Variants in AIG1 observed in about 807,000 individuals in gnomAD.
The protein encoded by AIG1 is androgen induced 1.
In AIG1, 23 loss-of-function variants were observed where a neutral mutation model predicts 31.4. That is an observed-to-expected ratio of 0.73 (90% CI 0.53 to 1.04). The LOEUF (loss-of-function observed/expected upper bound fraction) is 1.04. Ranked by LOEUF, AIG1 falls within the 50% of genes least tolerant of loss-of-function variation. The pLI is 0.00. For synonymous variants in AIG1, 100 were observed against 110.5 expected (o/e 0.90, Z 0.60); for missense variants, 274 against 295.0 (o/e 0.93, Z 0.52).
At chr6:143,164,143 C>A (rs1786690381) in intron 2 of AIG1, among the ~76,000 whole-genome samples, 2 of 152,068 alleles carry the variant, frequency 1.3e-5, no homozygotes, top group South Asian at 4.1e-4. Flanking sequence ...AAAATTGTTT[C>A]TAATATTTAT....
chr6:143,273,655 G>C (rs549432163), intron 3 of AIG1, among the ~76,000 whole-genome samples: 2 of 152,306 alleles, frequency 1.3e-5, no homozygotes, highest in African/African-American at 4.8e-5. Flanking sequence ...AATCATGGTG[G>C]AAGGCGAAAG....
intron 1 of AIG1, among the ~76,000 whole-genome samples, chr6:143,107,887 G>GA (rs961655231): frequency 6.6e-5 from 10 of 151,938 alleles, no homozygotes; most frequent in African/African-American, 1.9e-4. Flanking sequence ...CTAACAGAGG[G>GA]AAAAAAAGAA....
rs113851025 is a variant in AIG1, at chr6:143,144,454, A to C, written c.297+7464A>C. ...CATGAGTATAATAATACATGTGTTT[A>C]AGGTGCAGAGAAGTATCCCCAAAGA... On this transcript the variant is annotated intron_variant, in intron 2 of 5. Coordinates refer to ENST00000357847, the MANE Select transcript of AIG1 (RefSeq NM_016108.4). 3.1e-3 allele frequency among the ~76,000 whole-genome samples: 466 copies of C among 152,330 alleles called. 5 individuals are homozygous for C. The highest frequency in any genetic ancestry group is 0.011 in the African/African-American group (447 of 41,570).
intron 3 of AIG1, among the ~76,000 whole-genome samples, chr6:143,187,076 T>G (rs1210106364): frequency 1.3e-5 from 2 of 152,248 alleles, no homozygotes; most frequent in Admixed American, 1.3e-4. Context: ...AATCTCAATC[T>G]AAATTTTCAA....
intron 3 of AIG1, among the ~76,000 whole-genome samples, chr6:143,224,008 C>A (rs970979798): frequency 1.3e-5 from 2 of 152,124 alleles, no homozygotes; most frequent in Non-Finnish European, 2.9e-5. Context: ...CGAACGTCTC[C>A]TGCCTGCCCT....
rs1776855664 is a variant in AIG1 at position 143,329,065 on chromosome 6, G to T, written c.516-4217G>T. On this transcript the variant is annotated intron_variant, in intron 4 of 5. Coordinates refer to ENST00000357847, the MANE Select transcript of AIG1 (RefSeq NM_016108.4). This position sits in a 1 kb window ranked among gnomAD's most constrained non-coding sequence, Gnocchi z 4.9. The stretch of plus-strand genomic sequence containing the variant: ...GAAACAAATGGTGAAAGCACAACTT[G>T]TTAAGACAAGTGGATGCATCATTCA... 6.6e-6 allele frequency among the ~76,000 whole-genome samples: 1 copy of T among 152,184 alleles called. No homozygotes were observed. The highest frequency in any genetic ancestry group is 1.5e-5 in the Non-Finnish European group (1 of 68,032).
At chr6:143,214,785 T>G (rs1400650338) in intron 3 of AIG1, among the ~76,000 whole-genome samples, 1 of 152,136 alleles carries the variant, frequency 6.6e-6, no homozygotes, top group Non-Finnish European at 1.5e-5. Flanking sequence ...CACCAGCCTC[T>G]CCATGCCTGT....
At position 143,339,796 on chromosome 6, in the gene AIG1, C is replaced by T. The variant is rs1394091636; in HGVS notation, c.*120C>T. 2.2e-6 allele frequency: 2 copies of T among 904,912 alleles called. No individual in the cohort carries two copies. Among genetic ancestry groups the T allele is most frequent in the Non-Finnish European group, 3.4e-6 (2 of 590,150 alleles). The allele number at this position is 904,912 out of a possible 1,614,324, so 56.1% of individuals were successfully genotyped here. A position where few individuals can be genotyped will look rare whatever the true frequency, so the allele number is the denominator to read the frequency against. On this transcript the variant is annotated 3_prime_UTR_variant, in exon 6 of 6. Transcript: ENST00000357847. ...CTTGGTGGCATCAGCACCCCCCTCC[C>T]CCAATGAGGACACCTTTTATATATA...
intron 3 of AIG1, among the ~76,000 whole-genome samples, chr6:143,193,707 T>C (rs1410352349): frequency 6.6e-6 from 1 of 152,228 alleles, no homozygotes; most frequent in African/African-American, 2.4e-5. Flanking sequence ...GTCTCTTGTA[T>C]TTTCTTCTGT....
chr6:143,144,603 G>T (rs537085471), intron 2 of AIG1, among the ~76,000 whole-genome samples: 1 of 152,138 alleles, frequency 6.6e-6, no homozygotes, highest in East Asian at 1.9e-4. Context: ...GTATTCAGTT[G>T]CAAGTAAGAG....
rs1447144105 is a variant in AIG1 at position 143,334,339 on chromosome 6, T to G, written c.679+894T>G. Among the ~76,000 whole-genome samples, 1 of 152,202 alleles carries G rather than the reference T, an allele frequency of 6.6e-6. No homozygotes were observed. The highest frequency in any genetic ancestry group is 1.5e-5 in the Non-Finnish European group (1 of 68,032). On this transcript the variant is annotated intron_variant, in intron 5 of 5. Coordinates refer to ENST00000357847, the MANE Select transcript of AIG1 (RefSeq NM_016108.4). This position sits in a 1 kb window ranked among gnomAD's most constrained non-coding sequence, Gnocchi z 5.1. ...TGACACAGACATTGAGCACCCTGCT[T>G]TGTGCCAGACACCCTGCCAGGAGCT...
intron 2 of AIG1, among the ~76,000 whole-genome samples, chr6:143,141,107 T>TA (rs1212046312): frequency 3.9e-5 from 6 of 152,186 alleles, no homozygotes; most frequent in Non-Finnish European, 5.9e-5. Context: ...GCATCGGGCA[T>TA]AAAAAGAAAG....
chr6:143,337,495 G>A (rs548605770), intron 5 of AIG1, among the ~76,000 whole-genome samples: 1 of 149,700 alleles, frequency 6.7e-6, no homozygotes, highest in African/African-American at 2.4e-5. Context: ...GGTGGAGCGC[G>A]GGGGGGGACA....
In AIG1 at chr6:143,171,335, T is replaced by C. The variant is rs545143249; in HGVS notation, c.399+6152T>C. ...AGTTACTTCACTTAGAATGATGGTT[T>C]CCAATTCCATCCAGGTTGCTGCAAA... On this transcript the variant is annotated intron_variant, in intron 3 of 5. Coordinates refer to ENST00000357847, the MANE Select transcript of AIG1 (RefSeq NM_016108.4). 2.0e-5 allele frequency among the ~76,000 whole-genome samples: 3 copies of C among 148,042 alleles called. No individual in the cohort carries two copies. In the East Asian group the frequency reaches 5.9e-4, roughly 29 times the overall value.
At chr6:143,139,428 CA>C (rs1320459920) in intron 2 of AIG1, among the ~76,000 whole-genome samples, 1 of 151,940 alleles carries the variant, frequency 6.6e-6, no homozygotes, top group Non-Finnish European at 1.5e-5. Context: ...TCACCCAGCA[CA>C]TGGAGGGGAT....
At chr6:143,159,511 T>A (rs1372807299) in intron 2 of AIG1, among the ~76,000 whole-genome samples, 1 of 152,192 alleles carries the variant, frequency 6.6e-6, no homozygotes, top group Non-Finnish European at 1.5e-5. Flanking sequence ...TTAAGATAAT[T>A]TGGGCAGAAT....
intron 3 of AIG1, among the ~76,000 whole-genome samples, chr6:143,266,185 T>TA (rs879371747): frequency 5.3e-5 from 8 of 151,620 alleles, no homozygotes; most frequent in Non-Finnish European, 7.4e-5. Context: ...CCATCTCTAC[T>TA]AAAATACAAA....
chr6:143,173,291 G>T (rs1222414465), intron 3 of AIG1, among the ~76,000 whole-genome samples: 1 of 152,202 alleles, frequency 6.6e-6, no homozygotes, highest in Non-Finnish European at 1.5e-5. Flanking sequence ...TTGAACTCCT[G>T]ACCTCAAGTG....
At chr6:143,237,876 G>T (rs193030795) in intron 3 of AIG1, among the ~76,000 whole-genome samples, 17 of 152,308 alleles carry the variant, frequency 1.1e-4, no homozygotes, top group Non-Finnish European at 2.2e-4. Flanking sequence ...AAGTCAAAGG[G>T]TAAGTGTTTC....
Sources: allele counts gnomAD v4.1 joint callset (sites outside exome capture counted in the v4.1 genomes callset), GRCh38; gene constraint gnomAD v4.1.1; non-coding constraint Gnocchi (gnomAD v3.1); transcripts MANE v1.5; gene names NCBI Gene and HGNC (gene_info 2026-07-23, HGNC 2026-07-21).